The following TMEM255A variants were observed in gnomAD, a reference collection of about 807,000 sequenced individuals.
TMEM255A encodes the protein transmembrane protein 255A, also known as family with sequence similarity 70, member A.
Under a neutral mutation model 23.5 loss-of-function variants are expected in TMEM255A, and 14 were observed. That is an observed-to-expected ratio of 0.60 (90% CI 0.39 to 0.93). The LOEUF (loss-of-function observed/expected upper bound fraction) is 0.93. Among genes scored for constraint, TMEM255A ranks in the 40% least tolerant of loss-of-function variants. The probability of loss-of-function intolerance (pLI) is 0.00; values close to 1 mark genes in which losing one functional copy is unlikely to be tolerated. For synonymous variants in TMEM255A, 104 were observed against 100.3 expected (o/e 1.04, Z -0.22); for missense variants, 233 against 261.7 (o/e 0.89, Z 0.76).
intron 7 of TMEM255A, 118 bp downstream of exon 7, chrX:120,276,767 A>C: frequency 1.3e-6 from 1 of 742,212 alleles, no homozygotes; most frequent in Non-Finnish European, 1.9e-6. Context: ...ACATCCTTGA[A>C]GCAATTGCTT....
intron 2 of TMEM255A, among the ~76,000 whole-genome samples, chrX:120,300,492 A>G (rs1164765365): frequency 9.4e-6 from 1 of 106,512 alleles, no homozygotes; most frequent in Non-Finnish European, 1.9e-5. Flanking sequence ...GGCTCAAGCG[A>G]TCCTTCCACC....
rs2057672407 is a variant in TMEM255A, at chrX:120,260,708, A to G, written c.*162T>C. 1.4e-6 allele frequency: 1 copy of G among 689,785 alleles called. No individual in the cohort carries two copies. Among genetic ancestry groups the G allele is most frequent in the African/African-American group, 2.2e-5 (1 of 44,466 alleles). The allele number at this position is 689,785 out of a possible 1,213,427, so 56.8% of individuals were successfully genotyped here. A position where few individuals can be genotyped will look rare whatever the true frequency, so the allele number is the denominator to read the frequency against. ...TTCAGCCTGACCACCCCTGCTCTGC[A>G]CTAATAATGAATAAGCTTCGTCCCT... On this transcript the variant is annotated 3_prime_UTR_variant, in exon 9 of 9. Transcript: ENST00000371369.
At chrX:120,310,804 A>G (rs1164265662) in intron 1 of TMEM255A, among the ~76,000 whole-genome samples, 1 of 100,188 alleles carries the variant, frequency 1.0e-5, no homozygotes, top group Non-Finnish European at 2.0e-5. Flanking sequence ...GGCAGCTTCA[A>G]GAGAGTTGGG....
At chrX:120,269,988 A>G (rs2057745182) in intron 7 of TMEM255A, among the ~76,000 whole-genome samples, 1 of 112,282 alleles carries the variant, frequency 8.9e-6, no homozygotes, top group African/African-American at 3.2e-5. Context: ...CCAAGGGTCT[A>G]GACAATATTT....
At chrX:120,285,047 T>C (rs1242164294) in intron 6 of TMEM255A, 80 bp downstream of exon 6, 2 of 867,515 alleles carry the variant, frequency 2.3e-6, no homozygotes, top group African/African-American at 4.0e-5. Flanking sequence ...ATTCCCACAA[T>C]GCACCCTTCC....
intron 7 of TMEM255A, among the ~76,000 whole-genome samples, 176 bp downstream of exon 7, chrX:120,276,709 C>T (rs1861401593): frequency 9.0e-6 from 1 of 111,546 alleles, no homozygotes; most frequent in Non-Finnish European, 1.9e-5. Context: ...TATTTGCAGA[C>T]TGATGACATT....
rs1556015959 is a variant in TMEM255A, at chrX:120,258,723, C to G, written c.*2147G>C. 8.9e-6 allele frequency: 1 copy of G among 112,409 alleles called. No individual in the cohort carries two copies. The highest frequency in any genetic ancestry group is 2.8e-4 in the East Asian group (1 of 3,615). 9.3% of individuals were successfully genotyped at this position (112,409 alleles called of 1,213,427 possible). Reference sequence around the variant, plus strand: ...CTGAGTTTTCAACATGGCAGTGATACAGATTTTAAGCAACATCCAGTTTAT... The same window carrying G: ...CTGAGTTTTCAACATGGCAGTGATAGAGATTTTAAGCAACATCCAGTTTAT... On this transcript the variant is annotated 3_prime_UTR_variant, in exon 9 of 9. Transcript: ENST00000371369.
intron 7 of TMEM255A, 78 bp from the exon 8 acceptor site, chrX:120,268,465 A>G: frequency 1.4e-6 from 1 of 722,826 alleles, no homozygotes; most frequent in Non-Finnish European, 2.0e-6. Flanking sequence ...GTACATCTAT[A>G]CTATGGAATA....
intron 4 of TMEM255A, among the ~76,000 whole-genome samples, chrX:120,290,124 C>T (rs2057904744): frequency 9.0e-6 from 1 of 111,344 alleles, no homozygotes; most frequent in African/African-American, 3.3e-5. Context: ...ATAACTGATA[C>T]ATACTAAATA....
At chrX:120,268,415 C>T (rs1455522203) in intron 7 of TMEM255A, 28 bp from the exon 8 acceptor site, 1 of 1,117,727 alleles carries the variant, frequency 8.9e-7, no homozygotes, top group East Asian at 3.1e-5. Context: ...TTAGAAACAA[C>T]ATAAACAGTC....
At chrX:120,252,428 A>G in the TMEM255A span, among the ~76,000 whole-genome samples, 4 of 111,281 alleles carry the variant, frequency 3.6e-5, no homozygotes, top group East Asian at 8.4e-4. Context: ...AGTGCAAAAA[A>G]TGATGTTTTG....
At chrX:120,293,201 G>A (rs1295892251) in intron 3 of TMEM255A, among the ~76,000 whole-genome samples, 10 of 112,348 alleles carry the variant, frequency 8.9e-5, no homozygotes, top group African/African-American at 3.2e-4. Context: ...TGTACAGGGG[G>A]AGCCCAATCA....
intron 5 of TMEM255A, among the ~76,000 whole-genome samples, chrX:120,285,442 G>A (rs1490663255): frequency 9.0e-6 from 1 of 111,323 alleles, no homozygotes; most frequent in Admixed American, 9.6e-5. Flanking sequence ...AGCCCTCAGT[G>A]CCCCATCCCT....
In TMEM255A at chrX:120,273,741, G is replaced by T. The variant is rs2057777516; in HGVS notation, c.675+3144C>A. Among the ~76,000 whole-genome samples the T allele has an allele frequency of 3.6e-5, 4 of 112,082 alleles. No homozygotes were observed. The South Asian group carries it at 1.5e-3, about 41-fold the overall frequency. ...GATACCACTTTGTGCCCACTAGAATGTTTATAATTTTTTTTGAGAAAGTGT... is the reference window on the plus strand; with the variant it reads ...GATACCACTTTGTGCCCACTAGAATTTTTATAATTTTTTTTGAGAAAGTGT... On this transcript the variant is annotated intron_variant, in intron 7 of 8. Transcript: ENST00000371369.
chrX:120,276,708 A>G (rs2057801059), intron 7 of TMEM255A, among the ~76,000 whole-genome samples, 177 bp downstream of exon 7: 1 of 111,456 alleles, frequency 9.0e-6, no homozygotes, highest in African/African-American at 3.3e-5. Context: ...ATATTTGCAG[A>G]CTGATGACAT....
At chrX:120,299,297 C>A (rs781794231) in intron 2 of TMEM255A, among the ~76,000 whole-genome samples, 28 of 111,403 alleles carry the variant, frequency 2.5e-4, no homozygotes, top group African/African-American at 8.8e-4. Context: ...GCCTGAGCCA[C>A]TGTACCTAGC....
chrX:120,290,897 A>G (rs142795213), intron 4 of TMEM255A, among the ~76,000 whole-genome samples: 1,491 of 111,238 alleles, frequency 0.013, 25 homozygotes, highest in African/African-American at 0.047. Context: ...CGTTGCCCCC[A>G]ATACTAGTTC....
chrX:120,286,524 G>A (rs781966707), intron 5 of TMEM255A, among the ~76,000 whole-genome samples: 16 of 111,926 alleles, frequency 1.4e-4, no homozygotes, highest in African/African-American at 4.9e-4. Context: ...ATTGCATCTA[G>A]CTCTGCTTGA....
downstream of TMEM255A, chrX:120,255,018 G>C: frequency 8.3e-7 from 1 of 1,210,398 alleles, no homozygotes; most frequent in Non-Finnish European, 1.1e-6. Context: ...TCCTCTTGCA[G>C]AATATCGCAC....
Sources: allele counts gnomAD v4.1 joint callset (sites outside exome capture counted in the v4.1 genomes callset), GRCh38; gene constraint gnomAD v4.1.1; transcripts MANE v1.5; gene names NCBI Gene and HGNC (gene_info 2026-07-23, HGNC 2026-07-21).